Variants in CNGA3 observed in about 807,000 individuals in gnomAD.
The protein encoded by CNGA3 is cyclic nucleotide-gated channel alpha-3.
Under a neutral mutation model 46.6 loss-of-function variants are expected in CNGA3, and 42 were observed. The observed-to-expected ratio is 0.90, with a 90% CI of 0.70 to 1.17. CNGA3 has a LOEUF of 1.17. CNGA3 is among the 50% of genes most tolerant of loss of function. The pLI is 0.00. For missense variants in CNGA3, 893 were observed against 890.7 expected (o/e 1.00, Z -0.03); for synonymous variants, 394 against 369.4 (o/e 1.07, Z -0.76).
rs1692951177 is a variant in CNGA3 at position 98,397,565 on chromosome 2, T to A, written c.*310T>A. 2.3e-6 allele frequency: 1 copy of A among 428,166 alleles called. No homozygotes were observed. Among genetic ancestry groups the A allele is most frequent in the African/African-American group, 2.0e-5 (1 of 50,198 alleles). 26.5% of individuals were successfully genotyped at this position (428,166 alleles called of 1,614,324 possible). A position where few individuals can be genotyped will look rare whatever the true frequency, so the allele number is the denominator to read the frequency against. On this transcript the variant is annotated 3_prime_UTR_variant, in exon 8 of 8. Transcript: ENST00000272602. ...GCACACAGGACTCTCATTACTTTTTTATGGAATCTGCAAGGTGTTTTTAGG... is the reference window on the plus strand; with the variant it reads ...GCACACAGGACTCTCATTACTTTTTAATGGAATCTGCAAGGTGTTTTTAGG...
chr2:98,377,563 G>T, intron 2 of CNGA3, 124 bp from the exon 3 acceptor site: 1 of 893,094 alleles, frequency 1.1e-6, no homozygotes. Flanking sequence ...GAGCCCCTGG[G>T]ATGAGGATCT....
At chr2:98,383,540 C>G in intron 5 of CNGA3, 99 bp downstream of exon 5, 1 of 1,080,476 alleles carries the variant, frequency 9.3e-7, no homozygotes, top group Admixed American at 1.7e-5. Flanking sequence ...TCCTGCTCCC[C>G]ACTCCCAGAG....
At chr2:98,378,248 T>G in intron 3 of CNGA3, 1 of 1,537,120 alleles carries the variant, frequency 6.5e-7, no homozygotes, top group Middle Eastern at 2.0e-4. Flanking sequence ...AAAGCATTTG[T>G]TTGCAAGATT....
chr2:98,376,402 A>G (rs539809638), intron 2 of CNGA3, among the ~76,000 whole-genome samples: 1 of 152,212 alleles, frequency 6.6e-6, no homozygotes, highest in East Asian at 1.9e-4. Context: ...GGTCCTGGTC[A>G]TGGAAGGTAG....
chr2:98,383,526 G>C, intron 5 of CNGA3, 85 bp downstream of exon 5: 3 of 1,269,276 alleles, frequency 2.4e-6, no homozygotes, highest in South Asian at 2.4e-5. Flanking sequence ...TCTCTCCTTA[G>C]TGCTCCTGCT....
At chr2:98,392,574 AAAAAG>A (rs535634854) in intron 7 of CNGA3, among the ~76,000 whole-genome samples, 8 of 143,418 alleles carry the variant, frequency 5.6e-5, no homozygotes, top group South Asian at 2.1e-4. Context: ...AAAAGAAAAA[AAAAAG>A]AAAAGAAAAG....
intron 4 of CNGA3, among the ~76,000 whole-genome samples, chr2:98,382,378 G>A (rs961403609): frequency 6.6e-6 from 1 of 152,166 alleles, no homozygotes; most frequent in Non-Finnish European, 1.5e-5. Context: ...ATCCCACGGC[G>A]GTTCCAGTTC....
chr2:98,360,947 A>G (rs985787007), intron 1 of CNGA3, among the ~76,000 whole-genome samples: 2 of 152,204 alleles, frequency 1.3e-5, no homozygotes, highest in African/African-American at 4.8e-5. Flanking sequence ...TCAATATATT[A>G]TAACTACTAC....
rs756106415 is a variant in CNGA3 at position 98,369,985 on chromosome 2, A to T, written c.10A>T (p.Ile4Phe). The T allele has an allele frequency of 1.2e-6, 2 of 1,613,688 alleles. No homozygotes were observed. Among genetic ancestry groups the T allele is most frequent in the Admixed American group, 1.7e-5 (1 of 59,966 alleles). ...GTGACAAACCGAGAAGATGGCCAAG[A>T]TCAACACCCAATACTCCCACCCCTC... Reference protein sequence around the residue: MAKINTQYSHPSRT... With the variant: MAKFNTQYSHPSRT... Residue 4 changes from isoleucine to phenylalanine, a missense_variant, in exon 2 of 8, where the codon ATC becomes TTC. Around this residue, in one of 3 missense-constraint regions of CNGA3, gnomAD observed 333 missense variants for 290.8 expected, o/e 1.15. Coordinates refer to ENST00000272602, the MANE Select transcript of CNGA3 (RefSeq NM_001298.3).
intron 5 of CNGA3, among the ~76,000 whole-genome samples, chr2:98,387,593 G>A (rs940206354): frequency 6.6e-6 from 1 of 152,236 alleles, no homozygotes; most frequent in Non-Finnish European, 1.5e-5. Flanking sequence ...GTCTTATGTT[G>A]AAGAAAAACC....
chr2:98,387,699 T>C (rs1692684062), intron 5 of CNGA3, among the ~76,000 whole-genome samples: 1 of 152,198 alleles, frequency 6.6e-6, no homozygotes, highest in African/African-American at 2.4e-5. Flanking sequence ...TTTGCGAACC[T>C]GCGACCACAC....
chr2:98,366,446 G>T (rs894792207), intron 1 of CNGA3, among the ~76,000 whole-genome samples: 1 of 152,242 alleles, frequency 6.6e-6, no homozygotes, highest in African/African-American at 2.4e-5. Flanking sequence ...CGCTGCACTT[G>T]CGGGGGATCC....
chr2:98,398,418 T>TCTTTCTTCTTTCTTTCCTTTTTC lies in CNGA3; in HGVS notation c.*1174_*1196dup, dbSNP rs1692974601. 1.3e-5 allele frequency: 2 copies of TCTTTCTTCTTTCTTTCCTTTTTC among 152,140 alleles called. No individual in the cohort carries two copies. The highest frequency in any genetic ancestry group is 4.1e-4 in the South Asian group (2 of 4,824). The allele number at this position is 152,140 out of a possible 1,614,324, so 9.4% of individuals were successfully genotyped here. A position where few individuals can be genotyped will look rare whatever the true frequency, so the allele number is the denominator to read the frequency against. On this transcript the variant is annotated 3_prime_UTR_variant, in exon 8 of 8. Coordinates refer to ENST00000272602, the MANE Select transcript of CNGA3 (RefSeq NM_001298.3). ...ATGTTGCAAATTACCCAAAGATGAGTCTTTCTTCTTTCTTTCCTTTTTCCT... is the reference window on the plus strand; with the variant it reads ...ATGTTGCAAATTACCCAAAGATGAGTCTTTCTTCTTTCTTTCCTTTTTCCTTTCTTCTTTCTTTCCTTTTTCCT...
intron 5 of CNGA3, 26 bp downstream of exon 5, chr2:98,383,467 C>A (rs1304994540): frequency 1.2e-6 from 2 of 1,613,768 alleles, no homozygotes; most frequent in Admixed American, 3.3e-5. Flanking sequence ...CCCAGCAGAG[C>A]CCTCCCCAAG....
intron 4 of CNGA3, among the ~76,000 whole-genome samples, chr2:98,382,770 A>G (rs528966527): frequency 2.0e-5 from 3 of 152,222 alleles, no homozygotes; most frequent in Non-Finnish European, 2.9e-5. Context: ...CTTCAACCAG[A>G]TTCTCACATA....
chr2:98,369,849 G>T, intron 1 of CNGA3, 90 bp from the exon 2 acceptor site: 1 of 776,490 alleles, frequency 1.3e-6, no homozygotes, highest in East Asian at 2.7e-5. Context: ...TTGCAGGGGG[G>T]CCGCGTGCGG....
intron 1 of CNGA3, chr2:98,350,676 G>C (rs1311451661): frequency 1.3e-5 from 2 of 152,170 alleles, no homozygotes; most frequent in African/African-American, 4.8e-5. Flanking sequence ...ACAAGCCCCT[G>C]CCTCTTGGTT....
chr2:98,367,616 C>G (rs911975491), intron 1 of CNGA3, among the ~76,000 whole-genome samples: 4 of 152,128 alleles, frequency 2.6e-5, no homozygotes, highest in Non-Finnish European at 5.9e-5. Flanking sequence ...CATTCTCTTT[C>G]TCTAACGTGC....
At chr2:98,365,475 T>C (rs1477205917) in intron 1 of CNGA3, among the ~76,000 whole-genome samples, 1 of 152,206 alleles carries the variant, frequency 6.6e-6, no homozygotes, top group Non-Finnish European at 1.5e-5. Flanking sequence ...GGGGAGGTTC[T>C]CCTGGATGAT....
Sources: allele counts gnomAD v4.1 joint callset (sites outside exome capture counted in the v4.1 genomes callset), GRCh38; gene constraint gnomAD v4.1.1; regional missense constraint gnomAD v4.1.1; transcripts MANE v1.5; gene names NCBI Gene and HGNC (gene_info 2026-07-23, HGNC 2026-07-21).